The following CYP27C1 variants were observed in gnomAD, a reference collection of about 807,000 sequenced individuals.
The protein encoded by CYP27C1 is cytochrome P450 27C1.
A neutral mutation model predicts 40.6 loss-of-function variants in CYP27C1; 29 were observed. That is an observed-to-expected ratio of 0.71 (90% confidence interval 0.53 to 0.97). CYP27C1 has a LOEUF of 0.97. Ranked by LOEUF, CYP27C1 falls within the 50% of genes least tolerant of loss-of-function variation. The pLI, the probability that CYP27C1 is intolerant of heterozygous loss-of-function variation, is 0.00. For missense variants in CYP27C1, 390 were observed against 485.8 expected (o/e 0.80, Z 1.85); for synonymous variants, 198 against 186.8 (o/e 1.06, Z -0.49).
At chr2:127,211,373 T>TG (rs1558933853) in intron 1 of CYP27C1, among the ~76,000 whole-genome samples, 6 of 86,670 alleles carry the variant, frequency 6.9e-5, no homozygotes, top group East Asian at 7.2e-4. Flanking sequence ...TTTTTTGTTT[T>TG]TTTTTTTTTT....
At position 127,212,095 on chromosome 2, in the gene CYP27C1, A is replaced by T. The variant is rs111641227; in HGVS notation, c.283-6005T>A. On this transcript the variant is annotated intron_variant, in intron 1 of 8. Coordinates refer to ENST00000664447, the MANE Select transcript of CYP27C1 (RefSeq NM_001367502.1). ...GAAATGGATAAATTCCTGGACGCAT[A>T]CACCCTACCAAGACTAAACCAGGAA... Among the ~76,000 whole-genome samples, 108 of 152,328 alleles carry T rather than the reference A, an allele frequency of 7.1e-4. 1 individual carries two copies. Among genetic ancestry groups the T allele is most frequent in the African/African-American group, 2.5e-3 (105 of 41,582 alleles).
chr2:127,194,493 C>T (rs914115965), intron 6 of CYP27C1, among the ~76,000 whole-genome samples: 6 of 152,060 alleles, frequency 3.9e-5, no homozygotes, highest in African/African-American at 7.3e-5. Context: ...GGATGTAATC[C>T]GTCCCTAATC....
At chr2:127,213,109 A>G (rs1306781179) in intron 1 of CYP27C1, among the ~76,000 whole-genome samples, 1 of 152,202 alleles carries the variant, frequency 6.6e-6, no homozygotes, top group African/African-American at 2.4e-5. Flanking sequence ...ACAGCTACCA[A>G]GGAATGTGAA....
At chr2:127,211,701 G>A (rs1683342856) in intron 1 of CYP27C1, among the ~76,000 whole-genome samples, 1 of 152,018 alleles carries the variant, frequency 6.6e-6, no homozygotes, top group African/African-American at 2.4e-5. Flanking sequence ...AGTGTTAAGA[G>A]GGAAATTTAT....
At position 127,195,573 on chromosome 2, in the gene CYP27C1, G is replaced by C. The variant is rs1186811966; in HGVS notation, c.1048-72C>G. 2 of 1,512,960 alleles carry C rather than the reference G, an allele frequency of 1.3e-6. No homozygotes were observed. The highest frequency in any genetic ancestry group is 2.5e-5 in the South Asian group (2 of 81,580). 93.7% of individuals were successfully genotyped at this position (1,512,960 alleles called of 1,614,324 possible). A position where few individuals can be genotyped will look rare whatever the true frequency, so the allele number is the denominator to read the frequency against. On this transcript the variant is annotated intron_variant, in intron 5 of 8. Transcript: ENST00000664447. This position sits in a 1 kb window ranked among gnomAD's most constrained non-coding sequence, Gnocchi z 6.2. Reference sequence around the variant, plus strand: ...GGGACTGAAACAGAGGCGGTGGCAGGTAGGAAGTCCCCTGGGAATACACAC... The same window carrying C: ...GGGACTGAAACAGAGGCGGTGGCAGCTAGGAAGTCCCCTGGGAATACACAC...
chr2:127,206,631 A>G (rs1176466894), intron 1 of CYP27C1, among the ~76,000 whole-genome samples: 1 of 152,148 alleles, frequency 6.6e-6, no homozygotes, highest in African/African-American at 2.4e-5. Flanking sequence ...ATGTTTTTAA[A>G]ACTACCTTAG....
At chr2:127,205,115 G>T (rs1375518533) in intron 2 of CYP27C1, among the ~76,000 whole-genome samples, 6 of 152,306 alleles carry the variant, frequency 3.9e-5, no homozygotes, top group Admixed American at 3.3e-4. Flanking sequence ...TGCAGCTAAC[G>T]GGGCAGACAG....
intron 8 of CYP27C1, among the ~76,000 whole-genome samples, chr2:127,192,627 G>T (rs1180744563): frequency 2.0e-5 from 3 of 151,566 alleles, no homozygotes; most frequent in Non-Finnish European, 4.4e-5. Flanking sequence ...CCCGGGGGGG[G>T]GGGCTGCTGC....
chr2:127,211,379 T>TG (rs1558933875), intron 1 of CYP27C1, among the ~76,000 whole-genome samples: 42 of 126,940 alleles, frequency 3.3e-4, no homozygotes, highest in South Asian at 1.4e-3. Flanking sequence ...GTTTTTTTTT[T>TG]TTTTTTTTTT....
At chr2:127,204,555 G>GAAAGAAAGAA (rs1490579476) in intron 2 of CYP27C1, among the ~76,000 whole-genome samples, 28 of 39,178 alleles carry the variant, frequency 7.1e-4, no homozygotes, top group East Asian at 1.5e-3. Flanking sequence ...GAGAGAGAGA[G>GAAAGAAAGAA]AGAAAGAAAG....
In CYP27C1 at chr2:127,187,305, C is replaced by T. The variant is rs750799119; in HGVS notation, c.1580G>A (p.Gly527Glu). The change falls in exon 9 of 9, where the codon GGG becomes GAG. Residue 527 changes from glycine (G) to glutamate (E), a missense_variant. Transcript: ENST00000664447. ...GTTAACAAATCGCACGTGGATGGGC[C>T]CCCCTGGCGTCAGGAGCCCGTGGGT... ...AKTHGLLTPGGPIHVRFVNRK is the reference protein window; with the variant it reads ...AKTHGLLTPGEPIHVRFVNRK The T allele has an allele frequency of 6.2e-7, 1 of 1,614,128 alleles. No individual in the cohort carries two copies. The highest frequency in any genetic ancestry group is 1.1e-5 in the South Asian group (1 of 91,072).
At chr2:127,197,816 A>G (rs1440424540) in intron 5 of CYP27C1, among the ~76,000 whole-genome samples, 3 of 152,088 alleles carry the variant, frequency 2.0e-5, no homozygotes, top group African/African-American at 7.2e-5. Flanking sequence ...TATCCTATTA[A>G]TTGTATCATA....
chr2:127,217,139 G>A (rs549112374), intron 1 of CYP27C1, among the ~76,000 whole-genome samples: 1 of 152,308 alleles, frequency 6.6e-6, no homozygotes, highest in Non-Finnish European at 1.5e-5. Context: ...AAGGGAACTG[G>A]AGGTAGAAAT....
rs199875635 is a variant in CYP27C1, at chr2:127,204,394, AAG to A, written c.474-825_474-824del. On this transcript the variant is annotated intron_variant, in intron 2 of 8. Coordinates refer to ENST00000664447, the MANE Select transcript of CYP27C1 (RefSeq NM_001367502.1). ...AAGAGAGAGAGAAAGAAAGAAAAGA[AAG>A]AGAGAGAGAAAGAAAGAAAAGAAAG... Among the ~76,000 whole-genome samples the A allele has an allele frequency of 5.4e-5, 6 of 112,072 alleles. No homozygotes were observed. The East Asian group carries it at 9.3e-4, about 17-fold the overall frequency. The allele number at this position is 112,072 out of a possible 152,430, so 73.5% of individuals were successfully genotyped here.
chr2:127,187,188 C>T lies in CYP27C1; in HGVS notation c.*83G>A, dbSNP rs1472484852. On this transcript the variant is annotated 3_prime_UTR_variant, in exon 9 of 9. Transcript: ENST00000664447. ...AGCCTTTAGCGACATCGCTTTCCTT[C>T]TCCACGGTGATCAGCGAACACAAAT... is the stretch of plus-strand genomic sequence containing the variant. 5 of 1,103,574 alleles carry T rather than the reference C, an allele frequency of 4.5e-6. No individual in the cohort carries two copies. Among genetic ancestry groups the T allele is most frequent in the Non-Finnish European group, 6.6e-6 (5 of 759,630 alleles). 68.4% of individuals were successfully genotyped at this position (1,103,574 alleles called of 1,614,324 possible).
At position 127,187,502 on chromosome 2, in the gene CYP27C1, A is replaced by G. The variant is rs1682658321; in HGVS notation, c.1498-115T>C. The stretch of plus-strand genomic sequence containing the variant: ...CACTGGGCTGCAGAGAGCGCAGGCA[A>G]TGAGCACCCACATCCAGCTTTTGGA... On this transcript the variant is annotated intron_variant, in intron 8 of 8. Transcript: ENST00000664447. 3 of 828,448 alleles carry G rather than the reference A, an allele frequency of 3.6e-6. No individual in the cohort carries two copies. The African/African-American group carries it at 5.1e-5, about 14-fold the overall frequency. The allele number at this position is 828,448 out of a possible 1,614,324, so 51.3% of individuals were successfully genotyped here.
At chr2:127,204,469 AAAGAAAGAAAGAAAGAAAGG>A (rs1221412019) in intron 2 of CYP27C1, among the ~76,000 whole-genome samples, 14 of 52,602 alleles carry the variant, frequency 2.7e-4, no homozygotes, top group East Asian at 1.8e-3. Flanking sequence ...AGAAAGAAAG[AAAGAAAGAAAGAAAGAAAGG>A]AAGGAAGGAA....
At chr2:127,215,521 T>C (rs144368510) in intron 1 of CYP27C1, among the ~76,000 whole-genome samples, 28 of 152,228 alleles carry the variant, frequency 1.8e-4, no homozygotes, top group African/African-American at 6.7e-4. Context: ...AAAAAATCGA[T>C]AATAGGACTT....
intron 2 of CYP27C1, chr2:127,205,577 C>A (rs1345914812): frequency 3.4e-6 from 2 of 582,378 alleles, no homozygotes; most frequent in Non-Finnish European, 2.2e-6. Context: ...CAGACAAGGG[C>A]GCTGTGAGTT....
Sources: gnomAD v4.1 joint callset for allele counts (sites outside exome capture counted in the v4.1 genomes callset) on GRCh38, gnomAD v4.1.1 for gene constraint, Gnocchi (gnomAD v3.1) non-coding constraint, MANE v1.5 for transcripts, NCBI Gene and HGNC (gene_info 2026-07-23, HGNC 2026-07-21) for gene names.